The following RGP1 variants were observed in gnomAD, a reference collection of about 807,000 sequenced individuals.
RGP1 encodes the protein RAB6A-GEF complex partner protein 2.
RGP1 carries 28 observed loss-of-function variants against 44.5 expected under a neutral mutation model. The ratio of observed to expected loss-of-function variants is 0.63; its 90% confidence interval spans 0.47 to 0.86. The LOEUF (loss-of-function observed/expected upper bound fraction) is 0.86, where lower values mean the gene tolerates loss of function less well. RGP1 is among the 40% of genes least tolerant of loss of function. The pLI is 0.00. For missense variants in RGP1, 417 were observed against 490.7 expected, an observed-to-expected ratio of 0.85 and a Z score of 1.42; for synonymous variants, 212 against 196.7, an observed-to-expected ratio of 1.08 and a Z score of -0.65.
At chr9:35,771,545 C>G in the RGP1 span, among the ~76,000 whole-genome samples, 2 of 152,164 alleles carry the variant, frequency 1.3e-5, no homozygotes, top group Non-Finnish European at 2.9e-5. Context: ...GAGGCTAGCT[C>G]TTAGCTTATT....
At position 35,753,923 on chromosome 9, in the gene RGP1, G is replaced by A. The variant is rs990532049; in HGVS notation, c.*1049G>A. The A allele has an allele frequency of 1.9e-5, 29 of 1,560,562 alleles. No homozygotes were observed. The highest frequency in any genetic ancestry group is 9.0e-5 in the Admixed American group (5 of 55,594). ...GGAGGAAGCCTGGGTATTTTGACAC[G>A]GGATCATCTGTAAGGCCCCATCCTC... On this transcript the variant is annotated 3_prime_UTR_variant, in exon 9 of 9. Transcript: ENST00000378078. The surrounding 1 kb of genome is among the most constrained non-coding windows in gnomAD (Gnocchi z 4.2).
Position 35,753,384 on chromosome 9 carries a change from T to A in RGP1, c.*510T>A. 1 of 1,298,660 alleles carries A rather than the reference T, an allele frequency of 7.7e-7. No individual in the cohort carries two copies. The highest frequency in any genetic ancestry group is 1.1e-6 in the Non-Finnish European group (1 of 945,132). 80.4% of individuals were successfully genotyped at this position (1,298,660 alleles called of 1,614,324 possible). Reference sequence around the variant, plus strand: ...CAGTTTTCCCCCCACAGAGCCCCTTTCAGTGGCCCCTTGGTCCTCCTAACT... The same window carrying A: ...CAGTTTTCCCCCCACAGAGCCCCTTACAGTGGCCCCTTGGTCCTCCTAACT... On this transcript the variant is annotated 3_prime_UTR_variant, in exon 9 of 9. Coordinates refer to ENST00000378078, the MANE Select transcript of RGP1 (RefSeq NM_001080496.3). This position sits in a 1 kb window ranked among gnomAD's most constrained non-coding sequence, Gnocchi z 4.2.
At chr9:35,761,710 A>G (rs751711491), downstream of RGP1, among the ~76,000 whole-genome samples, 20 of 152,160 alleles carry the variant, frequency 1.3e-4, no homozygotes, top group Non-Finnish European at 2.4e-4. Context: ...CCCCAAAAAA[A>G]CAAAAACAAC....
intron 8 of RGP1, among the ~76,000 whole-genome samples, 191 bp downstream of exon 8, chr9:35,752,336 C>T (rs1008095681): frequency 6.6e-6 from 1 of 152,218 alleles, no homozygotes. Context: ...AAACTCCTAA[C>T]AGCTTGATAG....
At chr9:35,767,946 C>A in the RGP1 span, among the ~76,000 whole-genome samples, 2 of 151,642 alleles carry the variant, frequency 1.3e-5, no homozygotes, top group African/African-American at 4.8e-5. Flanking sequence ...ATTACAGGCG[C>A]CCACCATGAC....
chr9:35,774,577 A>G, the RGP1 span, among the ~76,000 whole-genome samples: 4 of 152,020 alleles, frequency 2.6e-5, no homozygotes, highest in East Asian at 7.7e-4. Context: ...AATACAAAAT[A>G]GCCGGGCGTG....
At position 35,755,259 on chromosome 9, in the gene RGP1, C is replaced by T. The variant is rs367891384; in HGVS notation, c.*2385C>T. 1.2e-3 allele frequency: 176 copies of T among 152,342 alleles called. No homozygotes were observed. The highest frequency in any genetic ancestry group is 3.8e-3 in the African/African-American group (159 of 41,566). The allele number at this position is 152,342 out of a possible 1,614,324, so 9.4% of individuals were successfully genotyped here. A position where few individuals can be genotyped will look rare whatever the true frequency, so the allele number is the denominator to read the frequency against. ...TGTTATGAGGATTACTGAGATAATG[C>T]GTGCAGTGCTCTTATCACCATCTCT... On this transcript the variant is annotated 3_prime_UTR_variant, in exon 9 of 9. Transcript: ENST00000378078.
At chr9:35,783,144 G>A in the RGP1 span, among the ~76,000 whole-genome samples, 1 of 151,842 alleles carries the variant, frequency 6.6e-6, no homozygotes, top group Non-Finnish European at 1.5e-5. Context: ...TTTATTCAAC[G>A]TAGCTGAAGT....
Position 35,754,114 on chromosome 9 carries a change from G to A in RGP1, c.*1240G>A. On this transcript the variant is annotated 3_prime_UTR_variant, in exon 9 of 9. Coordinates refer to ENST00000378078, the MANE Select transcript of RGP1 (RefSeq NM_001080496.3). ...ATCCCCTTGGCCTGTCCAGCCCAGA[G>A]CATCCTTAGGGCCATTGCTGCTGCA... 6.2e-7 allele frequency: 1 copy of A among 1,613,204 alleles called. No homozygotes were observed. The highest frequency in any genetic ancestry group is 8.5e-7 in the Non-Finnish European group (1 of 1,179,532).
chr9:35,777,982 T>A, the RGP1 span, among the ~76,000 whole-genome samples: 1 of 152,202 alleles, frequency 6.6e-6, no homozygotes, highest in Non-Finnish European at 1.5e-5. Flanking sequence ...AGGTCATACT[T>A]GCACACCTGT....
In RGP1 at chr9:35,754,164, C is replaced by G; in HGVS notation, c.*1290C>G. The G allele has an allele frequency of 4.4e-6, 7 of 1,591,896 alleles. No individual in the cohort carries two copies. Among genetic ancestry groups the G allele is most frequent in the Non-Finnish European group, 6.0e-6 (7 of 1,167,192 alleles). On this transcript the variant is annotated 3_prime_UTR_variant, in exon 9 of 9. Coordinates refer to ENST00000378078, the MANE Select transcript of RGP1 (RefSeq NM_001080496.3). ...ACAGCCCTCTCAGACCCTTCTTGGC[C>G]TCTGCTCAGCTACTCTGGTCTTGAC...
Position 35,750,664 on chromosome 9 carries a change from G to C in RGP1, c.260G>C (p.Arg87Thr), listed in dbSNP as rs1344583462. The C allele has an allele frequency of 1.2e-6, 2 of 1,613,802 alleles. No individual in the cohort carries two copies. Among genetic ancestry groups the C allele is most frequent in the African/African-American group, 2.7e-5 (2 of 74,906 alleles). The change falls in exon 4 of 9, where the codon AGG (arginine) becomes ACG (threonine). Residue 87 changes from arginine (R) to threonine (T), a missense_variant. Coordinates refer to ENST00000378078, the MANE Select transcript of RGP1 (RefSeq NM_001080496.3). ...QTVFLPHRGE[R>T]GQCILSTPPK... ...TCATTTTTACCTTTTTCAGGTGAGA[G>C]GGGCCAGTGTATCCTTTCTACTCCA... is the stretch of plus-strand genomic sequence containing the variant.
chr9:35,778,602 A>G, the RGP1 span, among the ~76,000 whole-genome samples: 1 of 152,226 alleles, frequency 6.6e-6, no homozygotes, highest in Non-Finnish European at 1.5e-5. Flanking sequence ...GGTGTCTGAC[A>G]TGGATGGCTT....
At position 35,753,919 on chromosome 9, in the gene RGP1, A is replaced by G. The variant is rs1291269272; in HGVS notation, c.*1045A>G. On this transcript the variant is annotated 3_prime_UTR_variant, in exon 9 of 9. Coordinates refer to ENST00000378078, the MANE Select transcript of RGP1 (RefSeq NM_001080496.3). The surrounding 1 kb of genome is among the most constrained non-coding windows in gnomAD (Gnocchi z 4.2). ...AGCTGGAGGAAGCCTGGGTATTTTG[A>G]CACGGGATCATCTGTAAGGCCCCAT... 2.6e-6 allele frequency: 4 copies of G among 1,560,788 alleles called. No homozygotes were observed. The highest frequency in any genetic ancestry group is 2.6e-6 in the Non-Finnish European group (3 of 1,149,072).
rs1345425897 is a variant in RGP1, at chr9:35,757,609, C to CA, written c.*4738dup. The CA allele has an allele frequency of 6.5e-6, 1 of 152,704 alleles. No homozygotes were observed. Among genetic ancestry groups the CA allele is most frequent in the Non-Finnish European group, 1.5e-5 (1 of 68,400 alleles). 9.5% of individuals were successfully genotyped at this position (152,704 alleles called of 1,614,324 possible). On this transcript the variant is annotated 3_prime_UTR_variant, in exon 9 of 9. Transcript: ENST00000378078. The stretch of plus-strand genomic sequence containing the variant: ...CACAGGGTGGGAAGGCGGAAATGGC[C>CA]AAACCCCAGGCATCAGGTCTGTCCA...
intron 7 of RGP1, 50 bp downstream of exon 7, chr9:35,751,804 G>T: frequency 6.2e-7 from 1 of 1,612,088 alleles, no homozygotes; most frequent in Non-Finnish European, 8.5e-7. Flanking sequence ...GGGTTGAAGG[G>T]CTAGGGTGGA....
At chr9:35,774,692 C>T in the RGP1 span, among the ~76,000 whole-genome samples, 129 of 152,176 alleles carry the variant, frequency 8.5e-4, no homozygotes, top group Non-Finnish European at 4.0e-4. Flanking sequence ...CCGCTGCATT[C>T]CATCCTGGGC....
the RGP1 span, among the ~76,000 whole-genome samples, chr9:35,775,758 A>G: frequency 6.6e-6 from 1 of 152,240 alleles, no homozygotes; most frequent in Non-Finnish European, 1.5e-5. Flanking sequence ...TACACAGTGT[A>G]AAAACAAGCA....
chr9:35,754,184 C>T lies in RGP1; in HGVS notation c.*1310C>T. ...TTGGCCTCTGCTCAGCTACTCTGGT[C>T]TTGACTCCTTGACTTTGCTTTGCGT... On this transcript the variant is annotated 3_prime_UTR_variant, in exon 9 of 9. Transcript: ENST00000378078. 1 of 1,559,584 alleles carries T rather than the reference C, an allele frequency of 6.4e-7. No homozygotes were observed. The highest frequency in any genetic ancestry group is 8.7e-7 in the Non-Finnish European group (1 of 1,152,522).
Sources: allele counts gnomAD v4.1 joint callset (sites outside exome capture counted in the v4.1 genomes callset), GRCh38; gene constraint gnomAD v4.1.1; non-coding constraint Gnocchi (gnomAD v3.1); transcripts MANE v1.5; gene names NCBI Gene and HGNC (gene_info 2026-07-23, HGNC 2026-07-21).